The following LRP1 variants were observed in gnomAD, a reference collection of about 807,000 sequenced individuals.
The protein encoded by LRP1 is prolow-density lipoprotein receptor-related protein 1.
A neutral mutation model predicts 541.5 loss-of-function variants in LRP1; 51 were observed. The observed-to-expected ratio is 0.09, with a 90% CI of 0.08 to 0.12. The LOEUF (loss-of-function observed/expected upper bound fraction) is 0.12. Ranked by LOEUF, LRP1 falls within the 10% of genes least tolerant of loss-of-function variation. The pLI, the probability that LRP1 is intolerant of heterozygous loss-of-function variation, is 1.00. For missense variants in LRP1, 3,878 were observed against 6,376.2 expected (o/e 0.61, Z 13.34); for synonymous variants, 2,219 against 2,470.8 (o/e 0.90, Z 3.02).
chr12:57,129,987 G>A (rs1274333878), intron 1 of LRP1, among the ~76,000 whole-genome samples: 1 of 152,162 alleles, frequency 6.6e-6, no homozygotes, highest in Non-Finnish European at 1.5e-5. Flanking sequence ...GTATATTGCA[G>A]AGTTAGGCTT....
rs1411996386 is a variant in LRP1 at position 57,210,715 on chromosome 12, C to T, written c.12755-3C>T. ...GTCGCGCTCACACATCCTCTCCCAC[C>T]AGGCATGCCCACGTGCCGGTGCCCC... is the stretch of plus-strand genomic sequence containing the variant. On this transcript the variant is annotated splice_polypyrimidine_tract_variant and splice_region_variant and intron_variant, in intron 82 of 88. Coordinates refer to ENST00000243077, the MANE Select transcript of LRP1 (RefSeq NM_002332.3). 1 of 1,606,464 alleles carries T rather than the reference C, an allele frequency of 6.2e-7. No homozygotes were observed. The highest frequency in any genetic ancestry group is 1.3e-5 in the African/African-American group (1 of 74,832).
chr12:57,212,773 G>T lies in LRP1; in HGVS notation c.*218G>T. On this transcript the variant is annotated 3_prime_UTR_variant, in exon 89 of 89. Coordinates refer to ENST00000243077, the MANE Select transcript of LRP1 (RefSeq NM_002332.3). This position sits in a 1 kb window ranked among gnomAD's most constrained non-coding sequence, Gnocchi z 5.0. ...GCCTGCTCCTTGGCACCCCCATGCTGCCTTCAGGGAGACAGGCAGGGAGGG... is the reference window on the plus strand; with the variant it reads ...GCCTGCTCCTTGGCACCCCCATGCTTCCTTCAGGGAGACAGGCAGGGAGGG... 1 of 537,806 alleles carries T rather than the reference G, an allele frequency of 1.9e-6. No individual in the cohort carries two copies. The allele number at this position is 537,806 out of a possible 1,614,324, so 33.3% of individuals were successfully genotyped here.
intron 8 of LRP1, 116 bp from the exon 9 acceptor site, chr12:57,155,978 A>G (rs1406759331): frequency 2.5e-6 from 2 of 785,468 alleles, no homozygotes; most frequent in Non-Finnish European, 4.2e-6. Flanking sequence ...ATTAAAAACT[A>G]CAGGATGAAT....
At chr12:57,210,639 TC>T in intron 82 of LRP1, 78 bp from the exon 83 acceptor site, 4 of 1,509,466 alleles carry the variant, frequency 2.6e-6, no homozygotes, top group East Asian at 2.3e-5. Context: ...CTCGCCCAGG[TC>T]CCCCCAGCCC....
At position 57,173,766 on chromosome 12, in the gene LRP1, C is replaced by T; in HGVS notation, c.3347-14C>T. 1 of 1,614,008 alleles carries T rather than the reference C, an allele frequency of 6.2e-7. No homozygotes were observed. Among genetic ancestry groups the T allele is most frequent in the African/African-American group, 1.3e-5 (1 of 75,052 alleles). On this transcript the variant is annotated splice_polypyrimidine_tract_variant and intron_variant, in intron 21 of 88. Coordinates refer to ENST00000243077, the MANE Select transcript of LRP1 (RefSeq NM_002332.3). This position sits in a 1 kb window ranked among gnomAD's most constrained non-coding sequence, Gnocchi z 4.7. ...TCCCCGGGCCTGGGCCCTCATAGTG[C>T]ACCTGTCCCTCAGCTCGGTGCATCA... is the stretch of plus-strand genomic sequence containing the variant.
chr12:57,141,860 C>A (rs2035298987), intron 3 of LRP1, among the ~76,000 whole-genome samples: 1 of 152,224 alleles, frequency 6.6e-6, no homozygotes, highest in Non-Finnish European at 1.5e-5. Context: ...AAAAGGTTTT[C>A]TGCATGAAAC....
In LRP1 at chr12:57,184,090, A is replaced by T. The variant is rs2036221122; in HGVS notation, c.5935A>T (p.Ile1979Phe). The T allele has an allele frequency of 6.2e-7, 1 of 1,613,704 alleles. No individual in the cohort carries two copies. The highest frequency in any genetic ancestry group is 1.3e-5 in the African/African-American group (1 of 75,004). Residue 1979 changes from isoleucine to phenylalanine, a missense_variant, in exon 37 of 89, where the codon ATC (isoleucine) becomes TTC (phenylalanine). Coordinates refer to ENST00000243077, the MANE Select transcript of LRP1 (RefSeq NM_002332.3). The surrounding 1 kb of genome is among the most constrained non-coding windows in gnomAD (Gnocchi z 7.8). ...CCCACCAACTCCCTCCTTAGGCAAC[A>T]TCTACTGGACAGACCAGGGCTTTGA... ...GIAVDWIAGNIYWTDQGFDVI... is the reference protein window; with the variant it reads ...GIAVDWIAGNFYWTDQGFDVI...
At position 57,159,818 on chromosome 12, in the gene LRP1, C is replaced by G. The variant is rs779240543; in HGVS notation, c.1799-7C>G. On this transcript the variant is annotated splice_polypyrimidine_tract_variant and splice_region_variant and intron_variant, in intron 11 of 88. Transcript: ENST00000243077. ...CTGTTCATCACTGGTCCCTCTTCCC[C>G]CAACAGGCATCCACAATGTGGAGGG... The G allele has an allele frequency of 1.9e-6, 3 of 1,613,618 alleles. No individual in the cohort carries two copies. Among genetic ancestry groups the G allele is most frequent in the Non-Finnish European group, 2.5e-6 (3 of 1,179,624 alleles).
Position 57,184,060 on chromosome 12 carries a change from T to C in LRP1, c.5930-25T>C, listed in dbSNP as rs1204632455. 8 of 1,610,400 alleles carry C rather than the reference T, an allele frequency of 5.0e-6. No individual in the cohort carries two copies. Among genetic ancestry groups the C allele is most frequent in the Non-Finnish European group, 6.8e-6 (8 of 1,177,798 alleles). ...TCCACCTGTCCTCACCTAACCTCCC[T>C]GAGCCCCACCAACTCCCTCCTTAGG... On this transcript the variant is annotated intron_variant, in intron 36 of 88. Transcript: ENST00000243077. The surrounding 1 kb of genome is among the most constrained non-coding windows in gnomAD (Gnocchi z 7.8).
Position 57,204,849 on chromosome 12 carries a change from G to C in LRP1, c.11194+100G>C, listed in dbSNP as rs1442512814. The stretch of plus-strand genomic sequence containing the variant: ...CTGCACTGGGGTTAGGGTTAACCAG[G>C]AGGACTCGCCCAGGAAGGGGAGGAT... On this transcript the variant is annotated intron_variant, in intron 72 of 88. Transcript: ENST00000243077. The surrounding 1 kb of genome is among the most constrained non-coding windows in gnomAD (Gnocchi z 5.3). 2.3e-5 allele frequency: 36 copies of C among 1,541,106 alleles called. No individual in the cohort carries two copies. In the Admixed American group the frequency reaches 6.5e-4, roughly 28 times the overall value.
intron 6 of LRP1, chr12:57,149,796 C>T: frequency 1.4e-6 from 1 of 703,792 alleles, no homozygotes; most frequent in Non-Finnish European, 2.6e-6. Flanking sequence ...GAGCATGAGG[C>T]CACATCGTTT....
At chr12:57,200,192 AC>A in intron 62 of LRP1, 167 bp downstream of exon 62, 2 of 646,540 alleles carry the variant, frequency 3.1e-6, no homozygotes, top group Non-Finnish European at 5.4e-6. Flanking sequence ...CAATACTTTT[AC>A]CCCCGTCACC....
In LRP1 at chr12:57,210,023, C is replaced by G. The variant is rs748214295; in HGVS notation, c.12440-6C>G. The stretch of plus-strand genomic sequence containing the variant: ...AGCATCCTCCCCACCCCACCCATAC[C>G]TGCAGTGACCAACCCATGTGACCGC... On this transcript the variant is annotated splice_polypyrimidine_tract_variant and splice_region_variant and intron_variant, in intron 80 of 88. Transcript: ENST00000243077. The G allele has an allele frequency of 4.4e-6, 7 of 1,603,448 alleles. No individual in the cohort carries two copies. The highest frequency in any genetic ancestry group is 1.1e-5 in the South Asian group (1 of 89,176).
rs769778868 is a variant in LRP1 at position 57,150,189 on chromosome 12, C to CTTTTTTTTTTTTTTTTTTTTTTTTT, written c.842-3999_842-3998insTTTTTTTTTTTTTTTTTTTTTTTTT. On this transcript the variant is annotated intron_variant, in intron 6 of 88. Transcript: ENST00000243077. ...GAGCCTGTAACAGGAAAACTTCCTT[C>CTTTTTTTTTTTTTTTTTTTTTTTTT]TTTTTTTTTTTTTTTTTTTTGAGAT... The CTTTTTTTTTTTTTTTTTTTTTTTTT allele has an allele frequency of 3.8e-4, 35 of 92,838 alleles. 5 individuals are homozygous for CTTTTTTTTTTTTTTTTTTTTTTTTT. The highest frequency in any genetic ancestry group is 1.6e-3 in the African/African-American group (32 of 19,494). 5.8% of individuals were successfully genotyped at this position (92,838 alleles called of 1,614,324 possible). A position where few individuals can be genotyped will look rare whatever the true frequency, so the allele number is the denominator to read the frequency against.
At position 57,194,411 on chromosome 12, in the gene LRP1, C is replaced by T; in HGVS notation, c.7976C>T (p.Pro2659Leu). 6.6e-7 allele frequency: 1 copy of T among 1,525,212 alleles called. No individual in the cohort carries two copies. The highest frequency in any genetic ancestry group is 8.8e-7 in the Non-Finnish European group (1 of 1,136,868). The allele number at this position is 1,525,212 out of a possible 1,614,324, so 94.5% of individuals were successfully genotyped here. ...GGCGTGAAGGGCGTGCTCTTCCAGCCCTGCGAGCGGACCTCACTCTGCTAC... is the reference window on the plus strand; with the variant it reads ...GGCGTGAAGGGCGTGCTCTTCCAGCTCTGCGAGCGGACCTCACTCTGCTAC... ...RLGVKGVLFQPCERTSLCYAP... is the reference protein window; with the variant it reads ...RLGVKGVLFQLCERTSLCYAP... The change falls in exon 49 of 89, where the codon CCC becomes CTC. Residue 2659 changes from proline (P) to leucine (L), a missense_variant. By Grantham distance (98) the Pro-to-Leu change is moderately conservative. This residue lies in a region of LRP1 where 1,100 missense variants were observed against 1,827.4 expected (regional missense o/e 0.60). Transcript: ENST00000243077.
Position 57,191,158 on chromosome 12 carries a change from C to T in LRP1, c.7236+149C>T, listed in dbSNP as rs562824363. ...CAGGCCCCAGCCTCGGTCAACCCCA[C>T]CCTGTCCAGCTTGCTCCTCATCAGC... On this transcript the variant is annotated intron_variant, in intron 43 of 88. Coordinates refer to ENST00000243077, the MANE Select transcript of LRP1 (RefSeq NM_002332.3). 5.4e-6 allele frequency: 6 copies of T among 1,116,008 alleles called. No homozygotes were observed. In the African/African-American group the frequency reaches 7.7e-5, roughly 14 times the overall value. The allele number at this position is 1,116,008 out of a possible 1,614,324, so 69.1% of individuals were successfully genotyped here.
chr12:57,205,221 C>T lies in LRP1; in HGVS notation c.11307C>T (p.Asp3769=), dbSNP rs550285010. 55 of 1,613,658 alleles carry T rather than the reference C, an allele frequency of 3.4e-5. No individual in the cohort carries two copies. The highest frequency in any genetic ancestry group is 1.7e-4 in the Middle Eastern group (1 of 6,060). Residue 3769 remains aspartate, a synonymous_variant, in exon 73 of 89, where the codon GAC becomes GAT. Transcript: ENST00000243077. The surrounding 1 kb of genome is among the most constrained non-coding windows in gnomAD (Gnocchi z 4.6). ...GCAACATGTTCGATGACTGCGGGGA[C>T]GGCTCTGACGAGGAGGACTGCAGCA... ...LRCNMFDDCG[D]GSDEEDCSID... is the part of the protein sequence containing the mutation.
Position 57,184,907 on chromosome 12 carries a change from G to C in LRP1, c.6255G>C (p.Glu2085Asp). 1 of 1,614,204 alleles carries C rather than the reference G, an allele frequency of 6.2e-7. No individual in the cohort carries two copies. The highest frequency in any genetic ancestry group is 8.5e-7 in the Non-Finnish European group (1 of 1,180,020). ...AACGGATCGACCTGGAGACAGGTGA[G>C]AACCGCGAGGTGGTTCTGTCCAGCA... ...KIERIDLETG[E>D]NREVVLSSNN... Residue 2085 changes from glutamate (E) to aspartate (D), a missense_variant, in exon 39 of 89, where the codon GAG becomes GAC. Glu to Asp is a conservative substitution (Grantham distance 45). This residue lies in a region of LRP1 where 1,100 missense variants were observed against 1,827.4 expected (regional missense o/e 0.60). Transcript: ENST00000243077. This position sits in a 1 kb window ranked among gnomAD's most constrained non-coding sequence, Gnocchi z 7.8.
rs1246717575 is a variant in LRP1 at position 57,203,088 on chromosome 12, G to A, written c.10712-93G>A. 16 of 927,674 alleles carry A rather than the reference G, an allele frequency of 1.7e-5. No individual in the cohort carries two copies. In the East Asian group the frequency reaches 2.4e-4, roughly 14 times the overall value. The allele number at this position is 927,674 out of a possible 1,614,324, so 57.5% of individuals were successfully genotyped here. Reference sequence around the variant, plus strand: ...AGTCAGCTGTGGCCTTCAGAGACACGGGGATGGGCCTTGGGCTCGGGACTG... The same window carrying A: ...AGTCAGCTGTGGCCTTCAGAGACACAGGGATGGGCCTTGGGCTCGGGACTG... On this transcript the variant is annotated intron_variant, in intron 68 of 88. Coordinates refer to ENST00000243077, the MANE Select transcript of LRP1 (RefSeq NM_002332.3).
Sources: gnomAD v4.1 joint callset for allele counts (sites outside exome capture counted in the v4.1 genomes callset) on GRCh38, gnomAD v4.1.1 for gene constraint, gnomAD v4.1.1 regional missense constraint, Gnocchi (gnomAD v3.1) non-coding constraint, MANE v1.5 for transcripts, NCBI Gene and HGNC (gene_info 2026-07-23, HGNC 2026-07-21) for gene names.